Variants in CATSPERD observed in about 807,000 individuals in gnomAD.
The protein encoded by CATSPERD is cation channel sperm-associated auxiliary subunit delta.
A neutral mutation model predicts 98.1 loss-of-function variants in CATSPERD; 86 were observed. That is an observed-to-expected ratio of 0.88 (90% CI 0.74 to 1.05). CATSPERD has a LOEUF of 1.05. CATSPERD is among the 50% of genes least tolerant of loss of function. CATSPERD has a pLI of 0.00. For synonymous variants in CATSPERD, 394 were observed against 390.2 expected (o/e 1.01, Z -0.12); for missense variants, 995 against 1,005.7 (o/e 0.99, Z 0.14).
chr19:5,754,847 C>CTTT (rs34200755), intron 13 of CATSPERD, among the ~76,000 whole-genome samples: 4 of 137,834 alleles, frequency 2.9e-5, no homozygotes, highest in Admixed American at 2.2e-4. Context: ...TCTTCTTCTT[C>CTTT]TTTTTTTTTT....
chr19:5,774,958 G>A (rs1386790645), intron 20 of CATSPERD, among the ~76,000 whole-genome samples: 1 of 151,388 alleles, frequency 6.6e-6, no homozygotes, highest in Non-Finnish European at 1.5e-5. Context: ...TAGACATCGC[G>A]GTGATCCCAG....
Position 5,739,416 on chromosome 19 carries a change from T to C in CATSPERD, c.550T>C (p.Trp184Arg). The C allele has an allele frequency of 6.4e-7, 1 of 1,556,338 alleles. No homozygotes were observed. Residue 184 changes from tryptophan (W) to arginine (R), a missense_variant, in exon 7 of 22, where the codon TGG becomes CGG. Trp to Arg is a moderately radical substitution (Grantham distance 101, BLOSUM62 -3). This residue lies in a region of CATSPERD where 5 missense variants were observed against 22.4 expected (regional missense o/e 0.22). Coordinates refer to ENST00000381624, the MANE Select transcript of CATSPERD (RefSeq NM_152784.4). ...YYSNTGGFSF[W>R]KYHYDRQAEI... Reference sequence around the variant, plus strand: ...TTCAAATACTGGGGGATTCAGTTTTTGGAAGTATCACTATGACAGACAGGT... The same window carrying C: ...TTCAAATACTGGGGGATTCAGTTTTCGGAAGTATCACTATGACAGACAGGT...
chr19:5,740,187 A>C (rs1185153659), intron 7 of CATSPERD, among the ~76,000 whole-genome samples: 1 of 149,214 alleles, frequency 6.7e-6, no homozygotes. Context: ...AGGCTGAGGC[A>C]GGAGAATCGC....
At chr19:5,735,291 CCA>C in intron 5 of CATSPERD, among the ~76,000 whole-genome samples, 1 of 151,966 alleles carries the variant, frequency 6.6e-6, no homozygotes, top group Non-Finnish European at 1.5e-5. Flanking sequence ...GCACCCGCCA[CCA>C]CGCCTGGCTA....
At chr19:5,747,890 G>A (rs1478121739) in intron 9 of CATSPERD, among the ~76,000 whole-genome samples, 1 of 152,164 alleles carries the variant, frequency 6.6e-6, no homozygotes, top group Non-Finnish European at 1.5e-5. Context: ...GGGATTACAG[G>A]TGTGCACCCC....
rs1555720218 is a variant in CATSPERD at position 5,741,792 on chromosome 19, G to GGT, written c.573+2354_573+2355insTG. On this transcript the variant is annotated intron_variant, in intron 7 of 21. Transcript: ENST00000381624. ...ACTTTGGGATGCTGAAGGCGGGGGGGGGGGGGTGGTGTGGATCACTTGAGG... is the reference window on the plus strand; with the variant it reads ...ACTTTGGGATGCTGAAGGCGGGGGGGGTGGGGGGTGGTGTGGATCACTTGAGG... Among the ~76,000 whole-genome samples, 32 of 96,170 alleles carry GGT rather than the reference G, an allele frequency of 3.3e-4. 8 individuals carry two copies. Among genetic ancestry groups the GGT allele is most frequent in the Non-Finnish European group, 6.6e-4 (27 of 41,164 alleles). 63.1% of individuals were successfully genotyped at this position (96,170 alleles called of 152,430 possible). A position where few individuals can be genotyped will look rare whatever the true frequency, so the allele number is the denominator to read the frequency against.
intron 12 of CATSPERD, among the ~76,000 whole-genome samples, chr19:5,753,048 G>A (rs2056251333): frequency 6.7e-6 from 1 of 148,936 alleles, no homozygotes; most frequent in African/African-American, 2.5e-5. Flanking sequence ...AAAAAAAGTA[G>A]ATTTTGTAGA....
At chr19:5,741,794 G>GC (rs1008814015) in intron 7 of CATSPERD, among the ~76,000 whole-genome samples, 2,094 of 93,614 alleles carry the variant, frequency 0.022, 667 homozygotes, top group African/African-American at 0.075. Context: ...GCGGGGGGGG[G>GC]GGGGTGGTGT....
intron 17 of CATSPERD, 142 bp from the exon 18 acceptor site, chr19:5,768,026 G>T: frequency 3.7e-6 from 2 of 546,976 alleles, no homozygotes; most frequent in South Asian, 2.4e-5. Flanking sequence ...TCCAACTCCT[G>T]ACCTCAGGTG....
At chr19:5,774,233 T>G (rs955625167) in intron 20 of CATSPERD, among the ~76,000 whole-genome samples, 8 of 151,840 alleles carry the variant, frequency 5.3e-5, no homozygotes, top group African/African-American at 1.9e-4. Context: ...CCCAAAGTGC[T>G]GGGATTATAG....
chr19:5,740,478 C>A (rs1307860684), intron 7 of CATSPERD, among the ~76,000 whole-genome samples: 1 of 148,766 alleles, frequency 6.7e-6, no homozygotes, highest in Non-Finnish European at 1.5e-5. Flanking sequence ...TCCCAGCTAC[C>A]CGGGAGGCTG....
At chr19:5,768,326 T>TTATC (rs2145850484) in intron 18 of CATSPERD, 84 bp downstream of exon 18, 2 of 774,484 alleles carry the variant, frequency 2.6e-6, no homozygotes, top group Non-Finnish European at 3.6e-6. Context: ...GGAATTTTAT[T>TTATC]TATTTATTTA....
Position 5,756,349 on chromosome 19 carries a change from T to C in CATSPERD, c.1279-1494T>C, listed in dbSNP as rs531511313. On this transcript the variant is annotated intron_variant, in intron 13 of 21. Transcript: ENST00000381624. ...TAAAAGTAGGTAAATTATTGCTTCATGAGGACAGAGTTTCCATTTGGGACT... is the reference window on the plus strand; with the variant it reads ...TAAAAGTAGGTAAATTATTGCTTCACGAGGACAGAGTTTCCATTTGGGACT... Among the ~76,000 whole-genome samples, 4 of 152,138 alleles carry C rather than the reference T, an allele frequency of 2.6e-5. No individual in the cohort carries two copies. The East Asian group carries it at 7.7e-4, about 29-fold the overall frequency.
At position 5,763,263 on chromosome 19, in the gene CATSPERD, G is replaced by C; in HGVS notation, c.1476G>C (p.Lys492Asn). The change falls in exon 16 of 22, where the codon AAG becomes AAC. Residue 492 changes from lysine (K) to asparagine (N), a missense_variant. Lys to Asn is a moderately conservative substitution (Grantham distance 94, BLOSUM62 0). Transcript: ENST00000381624. ...CCTTAACTGTGGACATAGCAAACAA[G>C]GAAATTTCATGTGTGGATATCAAGC... ...MSTLTVDIAN[K>N]EISCVDIKPL... The C allele has an allele frequency of 6.2e-7, 1 of 1,614,084 alleles. No homozygotes were observed. Among genetic ancestry groups the C allele is most frequent in the Non-Finnish European group, 8.5e-7 (1 of 1,179,988 alleles).
At chr19:5,770,836 C>A in intron 18 of CATSPERD, 108 bp from the exon 19 acceptor site, 2 of 1,339,688 alleles carry the variant, frequency 1.5e-6, no homozygotes, top group Non-Finnish European at 1.0e-6. Context: ...CCTCCTGCCA[C>A]TCTCATGGAC....
intron 17 of CATSPERD, among the ~76,000 whole-genome samples, chr19:5,767,265 C>A (rs1367156229): frequency 1.6e-5 from 2 of 126,096 alleles, no homozygotes; most frequent in Non-Finnish European, 3.2e-5. Flanking sequence ...TGAAGTGAGC[C>A]GAGATCGTGC....
intron 15 of CATSPERD, among the ~76,000 whole-genome samples, chr19:5,761,192 C>T (rs2056426634): frequency 1.3e-5 from 2 of 152,038 alleles, no homozygotes; most frequent in South Asian, 4.1e-4. Context: ...ATCTCTGCCT[C>T]CTGGGTTCAA....
At chr19:5,769,729 C>T (rs2056609926) in intron 18 of CATSPERD, among the ~76,000 whole-genome samples, 1 of 152,110 alleles carries the variant, frequency 6.6e-6, no homozygotes, top group Admixed American at 6.6e-5. Flanking sequence ...GGAGTGTCAT[C>T]TTAGTCTATG....
chr19:5,754,291 T>A, intron 13 of CATSPERD, 46 bp downstream of exon 13: 1 of 1,363,832 alleles, frequency 7.3e-7, no homozygotes. Flanking sequence ...CTCAGCCACA[T>A]GCCTGGTGCC....
Sources: allele counts gnomAD v4.1 joint callset (sites outside exome capture counted in the v4.1 genomes callset), GRCh38; gene constraint gnomAD v4.1.1; regional missense constraint gnomAD v4.1.1; transcripts MANE v1.5; gene names NCBI Gene and HGNC (gene_info 2026-07-23, HGNC 2026-07-21).